DTX4: variants seen among roughly 807,000 people sequenced by gnomAD.
DTX4 encodes E3 ubiquitin-protein ligase DTX4.
Under a neutral mutation model 57.6 loss-of-function variants are expected in DTX4, and 28 were observed. That is an observed-to-expected ratio of 0.49 (90% CI 0.36 to 0.67). DTX4 has a LOEUF of 0.67. Ranked by LOEUF, DTX4 falls within the 30% of genes least tolerant of loss-of-function variation. The pLI, the probability that DTX4 is intolerant of heterozygous loss-of-function variation, is 0.00. For synonymous variants in DTX4, 316 were observed against 331.0 expected, an observed-to-expected ratio of 0.95 and a Z score of 0.49; for missense variants, 715 against 836.8, an observed-to-expected ratio of 0.85 and a Z score of 1.80.
At chr11:59,189,345 G>C (rs1389496823) in intron 4 of DTX4, 22 bp downstream of exon 4, 1 of 1,513,138 alleles carries the variant, frequency 6.6e-7, no homozygotes, top group Non-Finnish European at 8.9e-7. Context: ...TTGTCTCGTG[G>C]GGTACTGAGA....
chr11:59,189,244 C>G lies in DTX4; in HGVS notation c.1080C>G (p.Pro360=), dbSNP rs757268627. ...RPPKLVLHPP[P]VSKSEIKSIP... ...CAAAGCTGGTCCTACACCCACCCCCCGTCAGCAAGAGTGAAATAAAATCCA... is the reference window on the plus strand; with the variant it reads ...CAAAGCTGGTCCTACACCCACCCCCGGTCAGCAAGAGTGAAATAAAATCCA... The change falls in exon 4 of 9, where the codon CCC becomes CCG. Residue 360 remains proline (P), a synonymous_variant. Coordinates refer to ENST00000227451, the MANE Select transcript of DTX4 (RefSeq NM_015177.2). 35 of 1,610,862 alleles carry G rather than the reference C, an allele frequency of 2.2e-5. No homozygotes were observed. The highest frequency in any genetic ancestry group is 2.9e-5 in the Non-Finnish European group (34 of 1,178,660).
intron 2 of DTX4, among the ~76,000 whole-genome samples, chr11:59,186,428 G>A (rs1158406799): frequency 6.6e-6 from 1 of 152,192 alleles, no homozygotes. Flanking sequence ...GAGGGAGAAG[G>A]TAGGTGCAGG....
Position 59,205,133 on chromosome 11 carries a change from G to T in DTX4, c.*224G>T, listed in dbSNP as rs1862789536. On this transcript the variant is annotated 3_prime_UTR_variant, in exon 9 of 9. Coordinates refer to ENST00000227451, the MANE Select transcript of DTX4 (RefSeq NM_015177.2). ...CAACACAAAGGGAGATGGGATGAGGGCCATCCTGGGTCTGTTCCCATGGAG... is the reference window on the plus strand; with the variant it reads ...CAACACAAAGGGAGATGGGATGAGGTCCATCCTGGGTCTGTTCCCATGGAG... 1 of 519,484 alleles carries T rather than the reference G, an allele frequency of 1.9e-6. No individual in the cohort carries two copies. The highest frequency in any genetic ancestry group is 3.5e-6 in the Non-Finnish European group (1 of 286,558). The allele number at this position is 519,484 out of a possible 1,614,324, so 32.2% of individuals were successfully genotyped here. A position where few individuals can be genotyped will look rare whatever the true frequency, so the allele number is the denominator to read the frequency against.
In DTX4 at chr11:59,172,663, G is replaced by A. The variant is rs1407374573; in HGVS notation, c.68G>A (p.Ser23Asn). ...LNEHGRWRPY[S>N]PAVSHHIEAV... ...GAGCACGGCCGCTGGCGTCCCTACAGCCCAGCGGTGAGCCACCACATCGAG... is the reference window on the plus strand; with the variant it reads ...GAGCACGGCCGCTGGCGTCCCTACAACCCAGCGGTGAGCCACCACATCGAG... The change falls in exon 1 of 9, where the codon AGC (serine) becomes AAC (asparagine). Residue 23 changes from serine to asparagine, a missense_variant. Ser to Asn is a conservative substitution (Grantham distance 46). Coordinates refer to ENST00000227451, the MANE Select transcript of DTX4 (RefSeq NM_015177.2). 17 of 1,598,634 alleles carry A rather than the reference G, an allele frequency of 1.1e-5. No homozygotes were observed. The Admixed American group carries it at 1.5e-4, about 14-fold the overall frequency.
intron 8 of DTX4, 109 bp from the exon 9 acceptor site, chr11:59,204,567 C>T: frequency 9.7e-7 from 1 of 1,028,334 alleles, no homozygotes; most frequent in Middle Eastern, 2.1e-4. Flanking sequence ...CTTAGGGTAT[C>T]ATGATGCAGG....
At chr11:59,201,415 C>G (rs1405615367) in intron 8 of DTX4, among the ~76,000 whole-genome samples, 1 of 152,154 alleles carries the variant, frequency 6.6e-6, no homozygotes, top group Non-Finnish European at 1.5e-5. Context: ...CCATGCCCTT[C>G]CCATGGAAGG....
rs922316120 is a variant in DTX4, at chr11:59,176,719, C to T, written c.211+3913C>T. Among the ~76,000 whole-genome samples, 10 of 152,338 alleles carry T rather than the reference C, an allele frequency of 6.6e-5. No individual in the cohort carries two copies. The South Asian group carries it at 1.2e-3, about 19-fold the overall frequency. ...GGCATGGCCTTCCACTTCCCAGAAG[C>T]TGAAAGGTTTTGGGTGCTTTGTAAC... On this transcript the variant is annotated intron_variant, in intron 1 of 8. Coordinates refer to ENST00000227451, the MANE Select transcript of DTX4 (RefSeq NM_015177.2).
intron 6 of DTX4, among the ~76,000 whole-genome samples, chr11:59,194,297 A>G (rs1862635822): frequency 6.6e-6 from 1 of 152,228 alleles, no homozygotes; most frequent in Non-Finnish European, 1.5e-5. Context: ...AACTCTTTAT[A>G]GTATGATTTA....
rs1489950565 is a variant in DTX4 at position 59,172,542 on chromosome 11, G to T, written c.-54G>T. The T allele has an allele frequency of 1.6e-6, 2 of 1,225,000 alleles. No homozygotes were observed. The highest frequency in any genetic ancestry group is 1.6e-5 in the African/African-American group (1 of 62,874). 75.9% of individuals were successfully genotyped at this position (1,225,000 alleles called of 1,614,324 possible). ...GGCGCAGGAGGAAGCGGAGGAGGTC[G>T]GGCGCTCGGGGCCCGGGAGGCGGGC... On this transcript the variant is annotated 5_prime_UTR_variant, in exon 1 of 9. Transcript: ENST00000227451.
In DTX4 at chr11:59,204,696, G is replaced by A; in HGVS notation, c.1647G>A (p.Val549=). ...KGRKVLKLLL[V]AWDRRLIFAI... ...TCTAGGTTCTGAAGCTGCTGCTCGT[G>A]GCCTGGGATCGCCGCCTCATTTTTG... Residue 549 remains valine, a synonymous_variant, in exon 9 of 9, where the codon GTG becomes GTA. Coordinates refer to ENST00000227451, the MANE Select transcript of DTX4 (RefSeq NM_015177.2). The A allele has an allele frequency of 1.9e-6, 3 of 1,613,320 alleles. No homozygotes were observed. Among genetic ancestry groups the A allele is most frequent in the Non-Finnish European group, 2.5e-6 (3 of 1,179,640 alleles).
intron 4 of DTX4, among the ~76,000 whole-genome samples, chr11:59,190,653 C>T (rs1862586643): frequency 6.6e-6 from 1 of 152,150 alleles, no homozygotes; most frequent in Non-Finnish European, 1.5e-5. Context: ...GTTCTGGAGT[C>T]GTGGGTCATA....
chr11:59,201,912 T>C (rs1203213302), intron 8 of DTX4, among the ~76,000 whole-genome samples: 1 of 152,210 alleles, frequency 6.6e-6, no homozygotes, highest in African/African-American at 2.4e-5. Flanking sequence ...GATGGGCACA[T>C]TAACCTTCTT....
Position 59,197,948 on chromosome 11 carries a change from C to T in DTX4, c.1537-1736C>T, listed in dbSNP as rs1282769418. On this transcript the variant is annotated intron_variant, in intron 7 of 8. Transcript: ENST00000227451. Reference sequence around the variant, plus strand: ...ATACAGGTGGTGCATGCTGCCTTGACGGGTACCACGGTGGCTCCTCCTGAA... The same window carrying T: ...ATACAGGTGGTGCATGCTGCCTTGATGGGTACCACGGTGGCTCCTCCTGAA... Among the ~76,000 whole-genome samples the T allele has an allele frequency of 2.0e-5, 3 of 152,278 alleles. No individual in the cohort carries two copies. In the East Asian group the frequency reaches 5.8e-4, roughly 29 times the overall value.
At chr11:59,202,985 T>C (rs1397633056) in intron 8 of DTX4, among the ~76,000 whole-genome samples, 1 of 152,190 alleles carries the variant, frequency 6.6e-6, no homozygotes, top group Non-Finnish European at 1.5e-5. Flanking sequence ...TGGTAAGTAT[T>C]TGTGAATCTA....
rs1227582982 is a variant in DTX4, at chr11:59,207,447, C to T, written c.*2538C>T. ...TGCAGATGCCCAGTAGGGGCTACCT[C>T]ATCCTCGTGCTGTTCTTGTGTGGCT... is the stretch of plus-strand genomic sequence containing the variant. On this transcript the variant is annotated 3_prime_UTR_variant, in exon 9 of 9. Coordinates refer to ENST00000227451, the MANE Select transcript of DTX4 (RefSeq NM_015177.2). 3 of 152,440 alleles carry T rather than the reference C, an allele frequency of 2.0e-5. No homozygotes were observed. Among genetic ancestry groups the T allele is most frequent in the Non-Finnish European group, 4.4e-5 (3 of 68,182 alleles). 9.4% of individuals were successfully genotyped at this position (152,440 alleles called of 1,614,324 possible). A position where few individuals can be genotyped will look rare whatever the true frequency, so the allele number is the denominator to read the frequency against.
Position 59,182,312 on chromosome 11 carries a change from C to A in DTX4, c.785C>A (p.Ala262Asp). Residue 262 changes from alanine to aspartate, a missense_variant, in exon 2 of 9, where the codon GCC (alanine) becomes GAC (aspartate). Transcript: ENST00000227451. ...CCATCGCAGGTGATCCGGAGACAAG[C>A]CTCCAGCATGCCCACTGGGACAACC... ...TAPSQVIRRQ[A>D]SSMPTGTTMG... is the part of the protein sequence containing the mutation. 6.2e-7 allele frequency: 1 copy of A among 1,612,678 alleles called. No homozygotes were observed. The highest frequency in any genetic ancestry group is 1.3e-5 in the African/African-American group (1 of 75,064).
At chr11:59,178,310 G>A (rs1052356468) in intron 1 of DTX4, among the ~76,000 whole-genome samples, 10 of 152,178 alleles carry the variant, frequency 6.6e-5, no homozygotes, top group Non-Finnish European at 2.9e-5. Context: ...GGAAGTCATG[G>A]AAGGGATTTA....
Position 59,189,214 on chromosome 11 carries a change from G to T in DTX4, c.1050G>T (p.Arg350Ser). 2 of 1,613,590 alleles carry T rather than the reference G, an allele frequency of 1.2e-6. No homozygotes were observed. The highest frequency in any genetic ancestry group is 8.5e-7 in the Non-Finnish European group (1 of 1,179,786). Residue 350 changes from arginine to serine, a missense_variant, in exon 4 of 9, where the codon AGG (arginine) becomes AGT (serine). Physicochemically the swap from Arg to Ser is moderately radical, Grantham distance 110. Transcript: ENST00000227451. ...SAAGLPVCLT[R>S]PPKLVLHPPP... is the part of the protein sequence containing the mutation. Reference sequence around the variant, plus strand: ...CGGGGCTGCCTGTGTGTCTCACCAGGCCACCAAAGCTGGTCCTACACCCAC... The same window carrying T: ...CGGGGCTGCCTGTGTGTCTCACCAGTCCACCAAAGCTGGTCCTACACCCAC...
chr11:59,204,589 C>T, intron 8 of DTX4, 87 bp from the exon 9 acceptor site: 1 of 1,244,894 alleles, frequency 8.0e-7, no homozygotes, highest in Admixed American at 2.0e-5. Context: ...AGGGATGGGG[C>T]CCTTGGGAGG....
Sources: gnomAD v4.1 joint callset for allele counts (sites outside exome capture counted in the v4.1 genomes callset) on GRCh38, gnomAD v4.1.1 for gene constraint, MANE v1.5 for transcripts, NCBI Gene and HGNC (gene_info 2026-07-23, HGNC 2026-07-21) for gene names.